The following DLGAP1 variants were observed in gnomAD, a reference collection of about 807,000 sequenced individuals.
The protein encoded by DLGAP1 is DLG associated protein 1.
DLGAP1 carries 11 observed loss-of-function variants against 90.8 expected under a neutral mutation model. The observed-to-expected ratio is 0.12, with a 90% CI of 0.08 to 0.20. DLGAP1 has a LOEUF of 0.20. DLGAP1 is among the 10% of genes least tolerant of loss of function. The pLI is 1.00. For missense variants in DLGAP1, 1,050 were observed against 1,333.8 expected (o/e 0.79, Z 3.31); for synonymous variants, 558 against 540.7 (o/e 1.03, Z -0.44).
At chr18:3,619,636 G>A (rs2058021304) in intron 7 of DLGAP1, among the ~76,000 whole-genome samples, 8 of 151,674 alleles carry the variant, frequency 5.3e-5, no homozygotes, top group South Asian at 4.2e-4. Flanking sequence ...CCACCACCCC[G>A]TCCTGCGACA....
rs563121480 is a variant in DLGAP1 at position 3,904,198 on chromosome 18, A to T, written c.-72-24058T>A. Among the ~76,000 whole-genome samples, 4 of 152,352 alleles carry T rather than the reference A, an allele frequency of 2.6e-5. No individual in the cohort carries two copies. In the East Asian group the frequency reaches 7.7e-4, roughly 29 times the overall value. ...CTGTGAATGATAGCATGTTAGACTG[A>T]TCTCCTTTTTCAGGAGATTACCCAG... On this transcript the variant is annotated intron_variant, in intron 3 of 12. Coordinates refer to ENST00000315677, the MANE Select transcript of DLGAP1 (RefSeq NM_004746.4).
intron 9 of DLGAP1, among the ~76,000 whole-genome samples, chr18:3,555,606 T>G (rs1385798689): frequency 6.6e-6 from 1 of 151,604 alleles, no homozygotes; most frequent in African/African-American, 2.4e-5. Context: ...AAGTCAGGAG[T>G]TCGAGACCAG....
At chr18:4,415,896 T>C (rs761610752) in intron 1 of DLGAP1, among the ~76,000 whole-genome samples, 33 of 152,282 alleles carry the variant, frequency 2.2e-4, no homozygotes, top group Non-Finnish European at 4.4e-4. Flanking sequence ...ATTAATTATA[T>C]TGGTAAGTGC....
chr18:3,917,580 T>C (rs1030416035), intron 3 of DLGAP1, among the ~76,000 whole-genome samples: 3 of 152,248 alleles, frequency 2.0e-5, no homozygotes, highest in Admixed American at 1.3e-4. Context: ...ATGTGAGGGT[T>C]TGTGAAGTCA....
intron 4 of DLGAP1, among the ~76,000 whole-genome samples, chr18:3,836,727 C>T (rs984378968): frequency 6.6e-6 from 1 of 152,200 alleles, no homozygotes; most frequent in African/African-American, 2.4e-5. Context: ...TTTCCATCTC[C>T]CCTCAGAATC....
At chr18:4,049,992 G>A (rs1381281968) in intron 2 of DLGAP1, among the ~76,000 whole-genome samples, 2 of 151,898 alleles carry the variant, frequency 1.3e-5, no homozygotes, top group Non-Finnish European at 2.9e-5. Context: ...TCATTTATTA[G>A]GAACTTACTC....
intron 2 of DLGAP1, among the ~76,000 whole-genome samples, chr18:4,124,166 C>A (rs894278522): frequency 2.6e-5 from 4 of 152,136 alleles, no homozygotes; most frequent in Non-Finnish European, 5.9e-5. Context: ...TTCTTGGGGT[C>A]TTCATTTCTT....
chr18:3,958,713 C>T (rs1445290709), intron 3 of DLGAP1, among the ~76,000 whole-genome samples: 1 of 151,594 alleles, frequency 6.6e-6, no homozygotes, highest in Non-Finnish European at 1.5e-5. Context: ...CATTATTCCT[C>T]TTACCTGGAC....
At chr18:4,374,806 T>G (rs2081983008) in intron 1 of DLGAP1, among the ~76,000 whole-genome samples, 1 of 152,084 alleles carries the variant, frequency 6.6e-6, no homozygotes, top group Admixed American at 6.6e-5. Flanking sequence ...TACAGTTATT[T>G]CAACATTGAC....
chr18:4,140,788 A>G (rs1294361552), intron 2 of DLGAP1, among the ~76,000 whole-genome samples: 1 of 151,952 alleles, frequency 6.6e-6, no homozygotes, highest in Non-Finnish European at 1.5e-5. Context: ...TATTTGAAGG[A>G]TATTTTTGCT....
At position 3,979,240 on chromosome 18, in the gene DLGAP1, A is replaced by AT. The variant is rs77004594; in HGVS notation, c.-73+25875dup. Reference sequence around the variant, plus strand: ...AAGACTATAGAGCCCTATTTTTACCATTTTTTTTCTATGTTTAGATGCACA... The same window carrying AT: ...AAGACTATAGAGCCCTATTTTTACCATTTTTTTTTCTATGTTTAGATGCACA... On this transcript the variant is annotated intron_variant, in intron 3 of 12. Coordinates refer to ENST00000315677, the MANE Select transcript of DLGAP1 (RefSeq NM_004746.4). Among the ~76,000 whole-genome samples, 9 of 151,806 alleles carry AT rather than the reference A, an allele frequency of 5.9e-5. No homozygotes were observed. The East Asian group carries it at 7.8e-4, about 13-fold the overall frequency.
chr18:3,597,507 G>A (rs561555149), intron 7 of DLGAP1: 33 of 331,652 alleles, frequency 1.0e-4, no homozygotes, highest in African/African-American at 6.0e-4. Context: ...ACCAGGGTCC[G>A]TCCCATCTAA....
chr18:4,218,603 A>T (rs1427406682), intron 1 of DLGAP1, among the ~76,000 whole-genome samples: 2 of 151,938 alleles, frequency 1.3e-5, no homozygotes, highest in East Asian at 3.9e-4. Flanking sequence ...CTTTTGACCA[A>T]CATCTCCTTT....
At chr18:3,503,833 T>C (rs665786) in intron 11 of DLGAP1, among the ~76,000 whole-genome samples, 143,268 of 152,304 alleles carry the variant, frequency 0.94, 67,889 homozygotes, top group Non-Finnish European at 1. Context: ...TGGTGGCTCA[T>C]GCCTGTAATC....
chr18:3,703,600 A>C (rs180726477), intron 7 of DLGAP1, among the ~76,000 whole-genome samples: 6 of 152,334 alleles, frequency 3.9e-5, no homozygotes, highest in Admixed American at 6.5e-5. Flanking sequence ...ACGGAGGGAT[A>C]TTTGAAAGTT....
chr18:3,886,236 C>T (rs2071309549), intron 3 of DLGAP1, among the ~76,000 whole-genome samples: 1 of 152,130 alleles, frequency 6.6e-6, no homozygotes, highest in South Asian at 2.1e-4. Context: ...AAGAGGAAAT[C>T]TCCATGAATC....
chr18:4,047,094 G>T (rs2218283), intron 2 of DLGAP1, among the ~76,000 whole-genome samples: 1 of 152,022 alleles, frequency 6.6e-6, no homozygotes, highest in African/African-American at 2.4e-5. Flanking sequence ...AAGAAAATTA[G>T]AGTCAAATGT....
chr18:3,914,653 G>T (rs2072104560), intron 3 of DLGAP1, among the ~76,000 whole-genome samples: 1 of 152,142 alleles, frequency 6.6e-6, no homozygotes, highest in Admixed American at 6.5e-5. Flanking sequence ...ATTTTCCATA[G>T]CAGCTGTACT....
intron 1 of DLGAP1, among the ~76,000 whole-genome samples, chr18:4,396,466 G>A (rs12963270): frequency 0.46 from 70,450 of 151,910 alleles, 17,048 homozygotes; most frequent in East Asian, 0.68. Context: ...CACGAATTAC[G>A]GTTTTCTGCT....
Sources: allele counts gnomAD v4.1 joint callset (sites outside exome capture counted in the v4.1 genomes callset), GRCh38; gene constraint gnomAD v4.1.1; transcripts MANE v1.5; gene names NCBI Gene and HGNC (gene_info 2026-07-23, HGNC 2026-07-21).